The following ZEB2 variants were observed in gnomAD, a reference collection of about 807,000 sequenced individuals.
ZEB2 encodes the protein zinc finger E-box binding homeobox 2, also known as zinc finger E-box-binding homeobox 2.
ZEB2 carries 6 observed loss-of-function variants against 99.9 expected under a neutral mutation model. That is an observed-to-expected ratio of 0.06 (90% CI 0.03 to 0.12). The LOEUF (loss-of-function observed/expected upper bound fraction) is 0.12. Ranked by LOEUF, ZEB2 falls within the 10% of genes least tolerant of loss-of-function variation. The pLI, the probability that ZEB2 is intolerant of heterozygous loss-of-function variation, is 1.00. For synonymous variants in ZEB2, 517 were observed against 542.5 expected, an observed-to-expected ratio of 0.95 and a Z score of 0.65; for missense variants, 969 against 1,502.8, an observed-to-expected ratio of 0.64 and a Z score of 5.87.
intron 2 of ZEB2, among the ~76,000 whole-genome samples, chr2:144,501,828 T>C (rs551464549): frequency 2.6e-5 from 4 of 152,312 alleles, no homozygotes; most frequent in East Asian, 1.9e-4. Context: ...ACCTATGGGA[T>C]TGGACAAAAT....
Position 144,384,555 on chromosome 2 carries a change from T to G in ZEB2, c.*4896A>C, listed in dbSNP as rs548848227. ...TGCTCTAAAGGAAGCAATCATTCCT[T>G]TATACTTCTTTAAATTTAGTATTGA... On this transcript the variant is annotated 3_prime_UTR_variant, in exon 10 of 10. Coordinates refer to ENST00000627532, the MANE Select transcript of ZEB2 (RefSeq NM_014795.4). The G allele has an allele frequency of 6.6e-6, 1 of 152,100 alleles. No homozygotes were observed. The highest frequency in any genetic ancestry group is 2.4e-5 in the African/African-American group (1 of 41,448). The allele number at this position is 152,100 out of a possible 1,614,324, so 9.4% of individuals were successfully genotyped here. A position where few individuals can be genotyped will look rare whatever the true frequency, so the allele number is the denominator to read the frequency against.
At chr2:144,501,609 A>G (rs1704870569) in intron 2 of ZEB2, among the ~76,000 whole-genome samples, 1 of 152,168 alleles carries the variant, frequency 6.6e-6, no homozygotes. Flanking sequence ...AGTTAATACC[A>G]AGATAGGGGT....
intron 2 of ZEB2, among the ~76,000 whole-genome samples, chr2:144,437,298 G>A (rs1703851628): frequency 6.6e-6 from 1 of 152,114 alleles, no homozygotes; most frequent in Admixed American, 6.5e-5. Context: ...CATGCTGAGG[G>A]AAGACCCCCA....
intron 4 of ZEB2, among the ~76,000 whole-genome samples, chr2:144,423,650 T>C (rs1188826026): frequency 6.6e-6 from 1 of 152,192 alleles, no homozygotes; most frequent in Non-Finnish European, 1.5e-5. Context: ...AATCATCTAT[T>C]GTACAGCTTT....
chr2:144,467,402 T>C (rs1341101269), intron 2 of ZEB2, among the ~76,000 whole-genome samples: 1 of 152,148 alleles, frequency 6.6e-6, no homozygotes, highest in African/African-American at 2.4e-5. Flanking sequence ...CTTATAGCAA[T>C]GATTCTTCAC....
At chr2:144,514,195 C>T (rs961087747) in intron 2 of ZEB2, 1 of 225,334 alleles carries the variant, frequency 4.4e-6, no homozygotes, top group African/African-American at 2.3e-5. Flanking sequence ...CAACTGCCTC[C>T]TTCTCCTTTG....
At chr2:144,458,610 G>T (rs1243012207) in intron 2 of ZEB2, among the ~76,000 whole-genome samples, 2 of 151,876 alleles carry the variant, frequency 1.3e-5, no homozygotes, top group Non-Finnish European at 1.5e-5. Context: ...TTTTCTAAGA[G>T]AATGAAAAAA....
chr2:144,490,420 ATTAT>A (rs1704660951), intron 2 of ZEB2, among the ~76,000 whole-genome samples: 1 of 152,192 alleles, frequency 6.6e-6, no homozygotes, highest in Non-Finnish European at 1.5e-5. Flanking sequence ...TACTCAACGT[ATTAT>A]TTATTAGAAG....
At chr2:144,404,366 T>C (rs1304318462) in intron 5 of ZEB2, among the ~76,000 whole-genome samples, 1 of 112,470 alleles carries the variant, frequency 8.9e-6, no homozygotes. Flanking sequence ...GGTTTTTTTT[T>C]TTTGGGGGGG....
At chr2:144,478,752 GCT>G (rs1211478208) in intron 2 of ZEB2, among the ~76,000 whole-genome samples, 1 of 152,084 alleles carries the variant, frequency 6.6e-6, no homozygotes, top group East Asian at 1.9e-4. Context: ...AAATATCTAT[GCT>G]CTCTGTTACT....
At chr2:144,411,752 A>G (rs1374410596) in intron 4 of ZEB2, among the ~76,000 whole-genome samples, 1 of 152,224 alleles carries the variant, frequency 6.6e-6, no homozygotes. Flanking sequence ...ACATGTTCAG[A>G]TGCCAATGAG....
rs1227572800 is a variant in ZEB2 at position 144,384,718 on chromosome 2, C to A, written c.*4733G>T. The A allele has an allele frequency of 6.6e-6, 1 of 151,450 alleles. No homozygotes were observed. Among genetic ancestry groups the A allele is most frequent in the African/African-American group, 2.4e-5 (1 of 41,212 alleles). 9.4% of individuals were successfully genotyped at this position (151,450 alleles called of 1,614,324 possible). On this transcript the variant is annotated 3_prime_UTR_variant, in exon 10 of 10. Transcript: ENST00000627532. ...AAATATGTACAATTTCAATTCACAGCGAAGGTAACAAAGATTTAAACAGCC... is the reference window on the plus strand; with the variant it reads ...AAATATGTACAATTTCAATTCACAGAGAAGGTAACAAAGATTTAAACAGCC...
chr2:144,490,039 G>T (rs1461350437), intron 2 of ZEB2, among the ~76,000 whole-genome samples: 1 of 152,106 alleles, frequency 6.6e-6, no homozygotes, highest in Non-Finnish European at 1.5e-5. Flanking sequence ...TTATTTGGGG[G>T]AATTACTAAA....
At position 144,386,712 on chromosome 2, in the gene ZEB2, T is replaced by C. The variant is rs1046169802; in HGVS notation, c.*2739A>G. 6.6e-6 allele frequency: 1 copy of C among 152,206 alleles called. No individual in the cohort carries two copies. The highest frequency in any genetic ancestry group is 1.5e-5 in the Non-Finnish European group (1 of 68,024). The allele number at this position is 152,206 out of a possible 1,614,324, so 9.4% of individuals were successfully genotyped here. A position where few individuals can be genotyped will look rare whatever the true frequency, so the allele number is the denominator to read the frequency against. On this transcript the variant is annotated 3_prime_UTR_variant, in exon 10 of 10. Coordinates refer to ENST00000627532, the MANE Select transcript of ZEB2 (RefSeq NM_014795.4). Reference sequence around the variant, plus strand: ...TAAAAGAGGCCACAGGGATTTATTCTACCCGGACAAAATTTAATGGCTTGA... The same window carrying C: ...TAAAAGAGGCCACAGGGATTTATTCCACCCGGACAAAATTTAATGGCTTGA...
chr2:144,446,384 C>T (rs1456450701), intron 2 of ZEB2, among the ~76,000 whole-genome samples: 1 of 151,774 alleles, frequency 6.6e-6, no homozygotes, highest in African/African-American at 2.4e-5. Flanking sequence ...TTCCTTCCTT[C>T]TTTCCTTCCT....
At position 144,510,687 on chromosome 2, in the gene ZEB2, CCTCTCTCTCTCT is replaced by C. The variant is rs34688250; in HGVS notation, c.73+6579_73+6590del. Among the ~76,000 whole-genome samples the C allele has an allele frequency of 7.4e-5, 11 of 147,974 alleles. No homozygotes were observed. In the East Asian group the frequency reaches 1.4e-3, roughly 19 times the overall value. ...TATTTTACTCAGCTACTACCCTGTG[CCTCTCTCTCTCT>C]CTCTCTCTCTCTCTCTCTTTCTCTC... On this transcript the variant is annotated intron_variant, in intron 2 of 9. Transcript: ENST00000627532.
rs746103300 is a variant in ZEB2 at position 144,400,263 on chromosome 2, T to C, written c.924A>G (p.Lys308=). Reference sequence around the variant, plus strand: ...TCTTGCAGTTTGGGCACTCGTAAGGTTTTTCACCTAAAATGATAATTAAAA... The same window carrying C: ...TCTTGCAGTTTGGGCACTCGTAAGGCTTTTCACCTAAAATGATAATTAAAA... ...KEHLRIHSGE[K]PYECPNCKKR... Residue 308 remains lysine, a synonymous_variant, in exon 8 of 10, where the codon AAA becomes AAG. Transcript: ENST00000627532. 1 of 1,609,196 alleles carries C rather than the reference T, an allele frequency of 6.2e-7. No homozygotes were observed. Among genetic ancestry groups the C allele is most frequent in the Non-Finnish European group, 8.5e-7 (1 of 1,179,880 alleles).
intron 2 of ZEB2, among the ~76,000 whole-genome samples, chr2:144,481,966 T>C (rs1003636136): frequency 5.9e-5 from 9 of 152,140 alleles, no homozygotes; most frequent in Admixed American, 5.9e-4. Context: ...TATAGAAAAA[T>C]GAGAAATAAG....
chr2:144,448,362 C>A (rs186676622), intron 2 of ZEB2, among the ~76,000 whole-genome samples: 5 of 152,098 alleles, frequency 3.3e-5, no homozygotes, highest in African/African-American at 7.2e-5. Context: ...GGTAGGCAGC[C>A]GGACTCCATT....
Sources: gnomAD v4.1 joint callset for allele counts (sites outside exome capture counted in the v4.1 genomes callset) on GRCh38, gnomAD v4.1.1 for gene constraint, MANE v1.5 for transcripts, NCBI Gene and HGNC (gene_info 2026-07-23, HGNC 2026-07-21) for gene names.